Variants in PCDH11X observed in about 807,000 individuals in gnomAD.
The protein encoded by PCDH11X is protocadherin-11 X-linked.
In PCDH11X, 18 loss-of-function variants were observed where a neutral mutation model predicts 53.3. The ratio of observed to expected loss-of-function variants is 0.34; its 90% CI spans 0.23 to 0.50. The LOEUF is 0.50. PCDH11X is among the 20% of genes least tolerant of loss of function. PCDH11X has a pLI of 0.98. For synonymous variants in PCDH11X, 279 were observed against 393.3 expected, an observed-to-expected ratio of 0.71 and a Z score of 3.44; for missense variants, 570 against 1,032.4, an observed-to-expected ratio of 0.55 and a Z score of 6.14.
chrX:92,288,096 C>T (rs1286209664), intron 8 of PCDH11X: 10 of 462,957 alleles, frequency 2.2e-5, no homozygotes, highest in Non-Finnish European at 3.4e-5. Context: ...ACTACCCAGT[C>T]TCAGGTAGTT....
At chrX:91,805,678 G>A (rs1196066256) in intron 1 of PCDH11X, among the ~76,000 whole-genome samples, 1 of 105,998 alleles carries the variant, frequency 9.4e-6, no homozygotes, top group African/African-American at 3.6e-5. Flanking sequence ...TTTTAAATTA[G>A]CTCCTCACAG....
chrX:92,198,938 C>T (rs1433799036), intron 6 of PCDH11X, among the ~76,000 whole-genome samples: 1 of 111,219 alleles, frequency 9.0e-6, no homozygotes, highest in Non-Finnish European at 1.9e-5. Context: ...CTACCTCCTC[C>T]ATAAATAAAA....
chrX:91,839,084 T>G (rs1358768167), intron 5 of PCDH11X, among the ~76,000 whole-genome samples: 1 of 111,573 alleles, frequency 9.0e-6, no homozygotes, highest in Non-Finnish European at 1.9e-5. Flanking sequence ...TACGTTTTTA[T>G]GAGTTTCAGT....
At chrX:91,788,707 T>G (rs2147515469) in intron 1 of PCDH11X, among the ~76,000 whole-genome samples, 2 of 111,732 alleles carry the variant, frequency 1.8e-5, no homozygotes, top group East Asian at 2.8e-4. Context: ...CCTTCTTTCC[T>G]GAGTAATCGT....
At chrX:91,921,132 C>T (rs773320391) in intron 6 of PCDH11X, among the ~76,000 whole-genome samples, 97 of 111,319 alleles carry the variant, frequency 8.7e-4, no homozygotes, top group African/African-American at 3.1e-3. Flanking sequence ...AATATTTTAC[C>T]CCTTTTCATT....
rs1927576206 is a variant in PCDH11X at position 92,613,310 on chromosome X, G to A, written c.3368-4954G>A. Among the ~76,000 whole-genome samples the A allele has an allele frequency of 2.7e-5, 3 of 110,749 alleles. No individual in the cohort carries two copies. The Admixed American group carries it at 2.9e-4, about 11-fold the overall frequency. On this transcript the variant is annotated intron_variant, in intron 10 of 10. Coordinates refer to ENST00000682573, the MANE Select transcript of PCDH11X (RefSeq NM_032968.5). Reference sequence around the variant, plus strand: ...CCTGATGGTAACAAAGTTTTTCAGGGCTTGCTTGTCTGTAAAATCGTTTGT... The same window carrying A: ...CCTGATGGTAACAAAGTTTTTCAGGACTTGCTTGTCTGTAAAATCGTTTGT...
At chrX:91,999,702 G>C (rs1470559989) in intron 6 of PCDH11X, among the ~76,000 whole-genome samples, 1 of 109,077 alleles carries the variant, frequency 9.2e-6, no homozygotes, top group African/African-American at 3.4e-5. Context: ...AGACTCAGAG[G>C]TAGTCATGGA....
chrX:92,435,372 A>C (rs967425149), intron 9 of PCDH11X, among the ~76,000 whole-genome samples: 1 of 110,927 alleles, frequency 9.0e-6, no homozygotes, highest in Non-Finnish European at 1.9e-5. Flanking sequence ...ATTTCAGGCT[A>C]TCATTCATAA....
At chrX:92,035,209 C>A (rs1331230534) in intron 6 of PCDH11X, among the ~76,000 whole-genome samples, 2 of 111,412 alleles carry the variant, frequency 1.8e-5, no homozygotes, top group African/African-American at 6.5e-5. Flanking sequence ...CTGTGTTTTT[C>A]TGTGTGCTTA....
At chrX:91,992,028 A>G (rs1221134128) in intron 6 of PCDH11X, among the ~76,000 whole-genome samples, 1 of 109,356 alleles carries the variant, frequency 9.1e-6, no homozygotes, top group African/African-American at 3.3e-5. Context: ...AATTTTCTTA[A>G]TGTCTGTTAG....
chrX:92,431,506 A>G (rs970235329), intron 9 of PCDH11X, among the ~76,000 whole-genome samples: 2 of 110,694 alleles, frequency 1.8e-5, no homozygotes, highest in Admixed American at 9.7e-5. Context: ...AGTTACAAGT[A>G]ATCAAAGCAT....
chrX:92,267,436 G>A (rs1001673756), intron 8 of PCDH11X, among the ~76,000 whole-genome samples: 1 of 112,451 alleles, frequency 8.9e-6, no homozygotes, highest in Non-Finnish European at 1.9e-5. Context: ...AGTAGCTATA[G>A]TAGCAAAGCA....
chrX:92,124,031 C>T (rs971793986), intron 6 of PCDH11X, among the ~76,000 whole-genome samples: 1 of 111,469 alleles, frequency 9.0e-6, no homozygotes. Context: ...GCCTAGGACA[C>T]TGCCACACCC....
intron 8 of PCDH11X, among the ~76,000 whole-genome samples, chrX:92,306,645 A>G (rs1412121886): frequency 1.8e-5 from 2 of 109,540 alleles, no homozygotes; most frequent in Non-Finnish European, 3.8e-5. Context: ...AATTAAAAAA[A>G]AAAAAACAAC....
intron 5 of PCDH11X, among the ~76,000 whole-genome samples, chrX:91,871,855 G>A (rs778841410): frequency 3.6e-5 from 4 of 111,056 alleles, no homozygotes; most frequent in Admixed American, 9.6e-5. Context: ...CAATCCTAAA[G>A]TTTATTTTTG....
intron 6 of PCDH11X, among the ~76,000 whole-genome samples, chrX:91,980,720 C>T (rs2062116439): frequency 9.3e-6 from 1 of 107,660 alleles, no homozygotes; most frequent in Non-Finnish European, 1.9e-5. Context: ...CAGGCATGAA[C>T]CACCATGCCC....
At chrX:91,999,963 G>A (rs747439328) in intron 6 of PCDH11X, among the ~76,000 whole-genome samples, 2 of 111,233 alleles carry the variant, frequency 1.8e-5, no homozygotes, top group African/African-American at 6.5e-5. Context: ...GGCTTTCGTC[G>A]TCTTAGCTGG....
chrX:92,279,103 G>C (rs1332733852), intron 8 of PCDH11X, among the ~76,000 whole-genome samples: 3 of 111,730 alleles, frequency 2.7e-5, no homozygotes, highest in Non-Finnish European at 5.6e-5. Flanking sequence ...AAGCCACCAT[G>C]CCCAGCCTCT....
chrX:92,370,880 ATT>A (rs1478252872), intron 8 of PCDH11X, among the ~76,000 whole-genome samples: 1 of 111,953 alleles, frequency 8.9e-6, no homozygotes, highest in Non-Finnish European at 1.9e-5. Context: ...GGCTTCATAT[ATT>A]TAGAAGCTCT....
Sources: gnomAD v4.1 joint callset for allele counts (sites outside exome capture counted in the v4.1 genomes callset) on GRCh38, gnomAD v4.1.1 for gene constraint, MANE v1.5 for transcripts, NCBI Gene and HGNC (gene_info 2026-07-23, HGNC 2026-07-21) for gene names.